Variants in COPS9 observed in about 807,000 individuals in gnomAD.
The protein encoded by COPS9 is COP9 signalosome subunit 9.
In COPS9, 8 loss-of-function variants were observed where a neutral mutation model predicts 7.2. The ratio of observed to expected loss-of-function variants is 1.11; its 90% CI spans 0.65 to 2.00. COPS9 has a LOEUF of 2.00. COPS9 is among the 30% of genes most tolerant of loss of function. The pLI is 0.00. For missense variants in COPS9, 74 were observed against 77.7 expected (o/e 0.95, Z 0.18); for synonymous variants, 39 against 28.7 (o/e 1.36, Z -1.14).
downstream of COPS9, chr2:240,126,946 G>A (rs1473532031): frequency 1.2e-6 from 2 of 1,608,290 alleles, no homozygotes; most frequent in African/African-American, 1.3e-5. Flanking sequence ...CATCTCTGGG[G>A]AGAGACAAGG....
chr2:240,128,489 C>T (rs945361848), downstream of COPS9, among the ~76,000 whole-genome samples: 4 of 152,180 alleles, frequency 2.6e-5, no homozygotes, highest in African/African-American at 7.2e-5. Flanking sequence ...TGCTCCAAGA[C>T]GCAGGCAGGC....
intron 1 of COPS9, chr2:240,135,884 G>A (rs1234535099): frequency 5.8e-6 from 2 of 342,578 alleles, no homozygotes; most frequent in Non-Finnish European, 1.1e-5. Flanking sequence ...GGGCCCCCAT[G>A]GGGTGCTGCA....
Position 240,133,973 on chromosome 2 carries a change from C to T in COPS9, c.96G>A (p.Leu32=), listed in dbSNP as rs765346677. ...AGGSTGLLMD[L]AANEKAVHAD... Reference sequence around the variant, plus strand: ...CATGAACGGCCTTTTCATTGGCTGCCAAGTCCATCAAGAGCCCGGTGCTGC... The same window carrying T: ...CATGAACGGCCTTTTCATTGGCTGCTAAGTCCATCAAGAGCCCGGTGCTGC... Residue 32 remains leucine (L), a synonymous_variant, in exon 2 of 3, where the codon TTG becomes TTA. Coordinates refer to ENST00000607357, the MANE Select transcript of COPS9 (RefSeq NM_001163424.2). 9.9e-6 allele frequency: 16 copies of T among 1,614,114 alleles called. No individual in the cohort carries two copies. Among genetic ancestry groups the T allele is most frequent in the Admixed American group, 1.7e-5 (1 of 60,024 alleles).
At chr2:240,127,107 G>C (rs2071873963), downstream of COPS9, among the ~76,000 whole-genome samples, 1 of 152,214 alleles carries the variant, frequency 6.6e-6, no homozygotes, top group Admixed American at 6.5e-5. Flanking sequence ...CAAGGACACA[G>C]GGTTCCTGGG....
chr2:240,136,155 G>A (rs771339081), intron 1 of COPS9, 67 bp downstream of exon 1: 3 of 1,400,628 alleles, frequency 2.1e-6, no homozygotes, highest in Non-Finnish European at 2.8e-6. Context: ...CGCGCACCAG[G>A]ACGCCGCCCT....
chr2:240,133,839 T>C, intron 2 of COPS9, 94 bp downstream of exon 2: 3 of 1,277,098 alleles, frequency 2.3e-6, no homozygotes, highest in Non-Finnish European at 3.4e-6. Context: ...CACCTTATGA[T>C]CCAAATTATT....
chr2:240,136,245 C>T lies in COPS9; in HGVS notation c.40G>A (p.Gly14Arg), dbSNP rs771666582. 1.9e-6 allele frequency: 3 copies of T among 1,567,194 alleles called. No individual in the cohort carries two copies. The highest frequency in any genetic ancestry group is 1.7e-6 in the Non-Finnish European group (2 of 1,160,338). Residue 14 changes from glycine (G) to arginine (R), a missense_variant, in exon 1 of 3, where the codon GGG becomes AGG. Transcript: ENST00000607357. ...ACCTCGTCCAGGTCCACGTAGGGCC[C>T]GGCGCCCTCGGGGAACATCTCGTCC... Reference protein sequence around the residue: ...AVDEMFPEGAGPYVDLDEAGG... With the variant: ...AVDEMFPEGARPYVDLDEAGG...
At chr2:240,129,139 C>T (rs1210745850), downstream of COPS9, among the ~76,000 whole-genome samples, 1 of 152,202 alleles carries the variant, frequency 6.6e-6, no homozygotes, top group African/African-American at 2.4e-5. Context: ...TCCCCATTCA[C>T]CAAGGAGGAA....
In COPS9 at chr2:240,133,965, T is replaced by C. The variant is rs1366174657; in HGVS notation, c.104A>G (p.Asn35Ser). The C allele has an allele frequency of 3.1e-6, 5 of 1,614,044 alleles. No homozygotes were observed. The highest frequency in any genetic ancestry group is 3.3e-4 in the Middle Eastern group (2 of 6,084). Residue 35 changes from asparagine to serine, a missense_variant, in exon 2 of 3, where the codon AAT (asparagine) becomes AGT (serine). By Grantham distance (46) the Asn-to-Ser change is conservative. Transcript: ENST00000607357. ...AAAGTCTGCATGAACGGCCTTTTCA[T>C]TGGCTGCCAAGTCCATCAAGAGCCC... ...STGLLMDLAA[N>S]EKAVHADFFN...
At chr2:240,130,717 T>C (rs886145637), downstream of COPS9, 19 of 997,696 alleles carry the variant, frequency 1.9e-5, no homozygotes, top group Middle Eastern at 3.9e-4. Context: ...CAAATGTGGT[T>C]CTCTCAGCGT....
rs752064588 is a variant in COPS9 at position 240,131,005 on chromosome 2, C to T, written c.*46G>A. ...AACTGTCCTGCGCAGGCTCACACTG[C>T]GGCTCTGTACCAAGGGCTTGGCCCC... On this transcript the variant is annotated 3_prime_UTR_variant, in exon 3 of 3. Transcript: ENST00000607357. 2.6e-5 allele frequency: 42 copies of T among 1,607,320 alleles called. No individual in the cohort carries two copies. The highest frequency in any genetic ancestry group is 8.5e-5 in the Admixed American group (5 of 58,956).
At chr2:240,126,707 T>C, downstream of COPS9, 1 of 1,614,210 alleles carries the variant, frequency 6.2e-7, no homozygotes, top group East Asian at 2.2e-5. Context: ...CTCGCCTGCT[T>C]CTTGTGGTTC....
At chr2:240,126,636 C>T (rs899056631), downstream of COPS9, 1 of 1,614,220 alleles carries the variant, frequency 6.2e-7, no homozygotes, top group African/African-American at 1.3e-5. Flanking sequence ...TGTTTCATCA[C>T]TCTTAAAACA....
At chr2:240,131,129 G>T (rs758591766) in intron 2 of COPS9, 41 bp from the exon 3 acceptor site, 4 of 1,601,860 alleles carry the variant, frequency 2.5e-6, no homozygotes, top group South Asian at 1.1e-5. Flanking sequence ...ACCTACAAGG[G>T]TAAGGGCTGA....
chr2:240,136,160 C>G, intron 1 of COPS9, 62 bp downstream of exon 1: 2 of 1,419,358 alleles, frequency 1.4e-6, no homozygotes, highest in Non-Finnish European at 1.8e-6. Context: ...ACCAGGACGC[C>G]GCCCTTCCGC....
rs2071929937 is a variant in COPS9, at chr2:240,132,169, A to C, written c.137-1081T>G. Among the ~76,000 whole-genome samples the C allele has an allele frequency of 6.6e-6, 1 of 152,174 alleles. No homozygotes were observed. The highest frequency in any genetic ancestry group is 2.1e-4 in the South Asian group (1 of 4,830). Reference sequence around the variant, plus strand: ...GAAACAATGCCGTCCACGCTTTGCCAGGGCTCTTGTCACAGTCCAGCCCCT... The same window carrying C: ...GAAACAATGCCGTCCACGCTTTGCCCGGGCTCTTGTCACAGTCCAGCCCCT... On this transcript the variant is annotated intron_variant, in intron 2 of 2. Transcript: ENST00000607357. The surrounding 1 kb of genome is among the most constrained non-coding windows in gnomAD (Gnocchi z 4.1).
chr2:240,126,590 GGTCT>G (rs990499831), downstream of COPS9: 1 of 1,614,094 alleles, frequency 6.2e-7, no homozygotes, highest in Non-Finnish European at 8.5e-7. Flanking sequence ...ATGGCTGTGT[GGTCT>G]TCTTCCCTTC....
At chr2:240,134,030 T>C (rs768773023) in intron 1 of COPS9, 25 bp from the exon 2 acceptor site, 17 of 1,613,368 alleles carry the variant, frequency 1.1e-5, no homozygotes, top group Middle Eastern at 1.7e-4. Context: ...GGCAAGGTTA[T>C]GTCAGGTGCG....
At chr2:240,130,271 T>C (rs1473921890), downstream of COPS9, among the ~76,000 whole-genome samples, 2 of 152,208 alleles carry the variant, frequency 1.3e-5, no homozygotes, top group East Asian at 1.9e-4. Flanking sequence ...GCTGAAGTCC[T>C]GGGCCTGGGC....
Sources: allele counts gnomAD v4.1 joint callset (sites outside exome capture counted in the v4.1 genomes callset), GRCh38; gene constraint gnomAD v4.1.1; non-coding constraint Gnocchi (gnomAD v3.1); transcripts MANE v1.5; gene names NCBI Gene and HGNC (gene_info 2026-07-23, HGNC 2026-07-21).